Variants in PDIA3 observed in about 807,000 individuals in gnomAD.
PDIA3 encodes protein disulfide-isomerase A3.
PDIA3 carries 16 observed loss-of-function variants against 56.9 expected under a neutral mutation model. The observed-to-expected ratio is 0.28, with a 90% CI of 0.19 to 0.43. The LOEUF is 0.43. Among genes scored for constraint, PDIA3 ranks in the 20% least tolerant of loss-of-function variants. The pLI, the probability that PDIA3 is intolerant of heterozygous loss-of-function variation, is 1.00. For missense variants in PDIA3, 485 were observed against 621.3 expected (o/e 0.78, Z 2.33); for synonymous variants, 192 against 216.5 (o/e 0.89, Z 0.99).
chr15:43,760,894 T>C (rs1295795230), intron 3 of PDIA3, among the ~76,000 whole-genome samples: 4 of 151,862 alleles, frequency 2.6e-5, no homozygotes, highest in Non-Finnish European at 5.9e-5. Flanking sequence ...GAGGTAGCTA[T>C]GTATATATAA....
intron 9 of PDIA3, among the ~76,000 whole-genome samples, 165 bp downstream of exon 9, chr15:43,768,762 G>A (rs1240249093): frequency 2.0e-5 from 3 of 151,632 alleles, no homozygotes; most frequent in Non-Finnish European, 4.4e-5. Flanking sequence ...GGTGGCTCAT[G>A]CCTGTAATCC....
chr15:43,751,040 G>C (rs1483401702), intron 1 of PDIA3, among the ~76,000 whole-genome samples: 1 of 151,686 alleles, frequency 6.6e-6, no homozygotes, highest in Non-Finnish European at 1.5e-5. Context: ...GCTGAGGCAG[G>C]AGAATTGCTT....
intron 7 of PDIA3, among the ~76,000 whole-genome samples, 156 bp downstream of exon 7, chr15:43,766,168 C>G (rs1161352512): frequency 6.6e-6 from 1 of 151,314 alleles, no homozygotes; most frequent in Admixed American, 6.6e-5. Context: ...AGTAACTATC[C>G]TGTTACCATG....
At chr15:43,748,210 G>C (rs918684094) in intron 1 of PDIA3, among the ~76,000 whole-genome samples, 9 of 152,274 alleles carry the variant, frequency 5.9e-5, no homozygotes, top group African/African-American at 2.2e-4. Context: ...GGGCATGGTG[G>C]CTCCCGCCTG....
chr15:43,762,439 A>G (rs1460611046), intron 4 of PDIA3, among the ~76,000 whole-genome samples: 1 of 143,570 alleles, frequency 7.0e-6, no homozygotes, highest in Non-Finnish European at 1.5e-5. Flanking sequence ...TGAACCCGGG[A>G]GGCGGAGGTT....
At chr15:43,770,190 T>G (rs1437930765) in intron 10 of PDIA3, 60 bp from the exon 11 acceptor site, 1 of 1,303,756 alleles carries the variant, frequency 7.7e-7, no homozygotes, top group African/African-American at 1.5e-5. Flanking sequence ...TTCAATTGAC[T>G]AAGTGTCCCT....
At chr15:43,767,372 G>T (rs988916799) in intron 8 of PDIA3, among the ~76,000 whole-genome samples, 4 of 151,874 alleles carry the variant, frequency 2.6e-5, no homozygotes, top group Admixed American at 2.0e-4. Flanking sequence ...AATAAATAAA[G>T]AAAAATAAAT....
intron 1 of PDIA3, among the ~76,000 whole-genome samples, chr15:43,753,493 G>A (rs764428882): frequency 6.6e-6 from 1 of 152,126 alleles, no homozygotes; most frequent in South Asian, 2.1e-4. Flanking sequence ...GGTCAAAAGG[G>A]CATTAACCCA....
At chr15:43,749,688 G>C (rs1236245214) in intron 1 of PDIA3, among the ~76,000 whole-genome samples, 1 of 152,092 alleles carries the variant, frequency 6.6e-6, no homozygotes, top group East Asian at 1.9e-4. Flanking sequence ...AGCTATTTGG[G>C]AGGCTGAGTT....
At chr15:43,763,496 A>G (rs978344812) in intron 5 of PDIA3, among the ~76,000 whole-genome samples, 6 of 152,024 alleles carry the variant, frequency 3.9e-5, no homozygotes, top group African/African-American at 1.2e-4. Context: ...CAAGTGTTCC[A>G]CCCACCTCGG....
intron 4 of PDIA3, among the ~76,000 whole-genome samples, chr15:43,762,445 A>G (rs1418139502): frequency 6.8e-6 from 1 of 146,992 alleles, no homozygotes; most frequent in Non-Finnish European, 1.5e-5. Context: ...CGGGAGGCGG[A>G]GGTTGGGGTG....
At chr15:43,758,279 G>A (rs1393075824) in intron 3 of PDIA3, among the ~76,000 whole-genome samples, 1 of 152,130 alleles carries the variant, frequency 6.6e-6, no homozygotes, top group African/African-American at 2.4e-5. Context: ...TGGTATGGAT[G>A]TAGAGAAATT....
At chr15:43,770,630 CACA>C (rs1341566608) in intron 12 of PDIA3, 50 bp downstream of exon 12, 1 of 1,155,200 alleles carries the variant, frequency 8.7e-7, no homozygotes, top group African/African-American at 1.5e-5. Context: ...GACGTAAACA[CACA>C]ACCTTAAACA....
At chr15:43,757,105 T>G (rs1164106411) in intron 3 of PDIA3, among the ~76,000 whole-genome samples, 4 of 152,204 alleles carry the variant, frequency 2.6e-5, no homozygotes. Flanking sequence ...GCTTACATTC[T>G]GGGGGATGAG....
chr15:43,746,783 T>C, intron 1 of PDIA3, 77 bp downstream of exon 1: 1 of 1,488,488 alleles, frequency 6.7e-7, no homozygotes, highest in Non-Finnish European at 9.3e-7. Context: ...CTGTTGGGCC[T>C]ACGCAGCGCC....
At chr15:43,755,124 G>C (rs10162925) in intron 2 of PDIA3, among the ~76,000 whole-genome samples, 1 of 151,902 alleles carries the variant, frequency 6.6e-6, no homozygotes, top group Admixed American at 6.6e-5. Flanking sequence ...TCAAGAGTTC[G>C]AGACCCGCCT....
chr15:43,757,856 C>T (rs1047967139), intron 3 of PDIA3, among the ~76,000 whole-genome samples: 2 of 151,506 alleles, frequency 1.3e-5, no homozygotes, highest in Non-Finnish European at 2.9e-5. Flanking sequence ...AGCGAGACTC[C>T]ATCTCCACAC....
chr15:43,757,500 G>A (rs1301177084), intron 3 of PDIA3, among the ~76,000 whole-genome samples: 1 of 151,574 alleles, frequency 6.6e-6, no homozygotes, highest in African/African-American at 2.4e-5. Flanking sequence ...GGAGCTTGCA[G>A]TGAGCCGAGA....
At chr15:43,765,414 A>G (rs767580065) in intron 5 of PDIA3, 36 bp from the exon 6 acceptor site, 5 of 1,149,786 alleles carry the variant, frequency 4.3e-6, no homozygotes, top group Non-Finnish European at 6.4e-6. Context: ...TTCTTCTGCT[A>G]TCTGCCTACT....
Sources: allele counts gnomAD v4.1 joint callset (sites outside exome capture counted in the v4.1 genomes callset), GRCh38; gene constraint gnomAD v4.1.1; transcripts MANE v1.5; gene names NCBI Gene and HGNC (gene_info 2026-07-23, HGNC 2026-07-21).